The following KCNH7 variants were observed in gnomAD, a reference collection of about 807,000 sequenced individuals.
KCNH7 encodes the protein voltage-gated inwardly rectifying potassium channel KCNH7.
KCNH7 carries 49 observed loss-of-function variants against 120.8 expected under a neutral mutation model. The ratio of observed to expected loss-of-function variants is 0.41; its 90% confidence interval spans 0.32 to 0.51. The LOEUF (loss-of-function observed/expected upper bound fraction) is 0.51. KCNH7 is among the 20% of genes least tolerant of loss of function. The pLI, the probability that KCNH7 is intolerant of heterozygous loss-of-function variation, is 0.38. For missense variants in KCNH7, 1,097 were observed against 1,446.6 expected (o/e 0.76, Z 3.92); for synonymous variants, 547 against 516.1 (o/e 1.06, Z -0.81).
In KCNH7 at chr2:162,517,984, G is replaced by C; in HGVS notation, c.638C>G (p.Ala213Gly). Residue 213 changes from alanine (A) to glycine (G), a missense_variant, in exon 4 of 16, where the codon GCA (alanine) becomes GGA (glycine). Coordinates refer to ENST00000332142, the MANE Select transcript of KCNH7 (RefSeq NM_033272.4). ...CTGTATCAAAGCTTTTGTGTCATCT[G>C]CTTCAGAGGGGCTGCAGCTTTCTTT... The part of the protein sequence containing the change: ...PTKESCSPSE[A>G]DDTKALIQPS... The C allele has an allele frequency of 6.2e-7, 1 of 1,612,458 alleles. No individual in the cohort carries two copies. The highest frequency in any genetic ancestry group is 8.5e-7 in the Non-Finnish European group (1 of 1,178,886).
chr2:162,586,486 CAA>C (rs1375601568), intron 2 of KCNH7, among the ~76,000 whole-genome samples: 1 of 151,990 alleles, frequency 6.6e-6, no homozygotes, highest in Non-Finnish European at 1.5e-5. Flanking sequence ...CTGATGACTG[CAA>C]CCCTGGGAGT....
chr2:162,437,864 A>T (rs1432785596), intron 7 of KCNH7, among the ~76,000 whole-genome samples: 1 of 152,106 alleles, frequency 6.6e-6, no homozygotes, highest in African/African-American at 2.4e-5. Context: ...CTGGCCTTGC[A>T]GCTCGCCTCA....
At chr2:162,402,777 G>GA (rs1044985205) in intron 9 of KCNH7, among the ~76,000 whole-genome samples, 82 of 151,768 alleles carry the variant, frequency 5.4e-4, no homozygotes, top group African/African-American at 1.7e-3. Context: ...ACTTGGTATA[G>GA]AAAAAAATTG....
intron 2 of KCNH7, among the ~76,000 whole-genome samples, chr2:162,670,441 C>A (rs1177575846): frequency 7.3e-6 from 1 of 137,040 alleles, no homozygotes; most frequent in Non-Finnish European, 1.5e-5. Flanking sequence ...CCACTCCACT[C>A]CAGCCTGGGC....
chr2:162,488,309 C>A (rs1375847692), intron 6 of KCNH7, among the ~76,000 whole-genome samples: 1 of 152,126 alleles, frequency 6.6e-6, no homozygotes, highest in Non-Finnish European at 1.5e-5. Context: ...GATTTTTTGT[C>A]CAACAGAACT....
At chr2:162,454,431 C>G (rs1009997091) in intron 6 of KCNH7, among the ~76,000 whole-genome samples, 6 of 152,048 alleles carry the variant, frequency 3.9e-5, no homozygotes, top group African/African-American at 1.4e-4. Context: ...CTTGGCTATA[C>G]CAGCTCTTTT....
intron 2 of KCNH7, among the ~76,000 whole-genome samples, chr2:162,737,520 T>C (rs1293965433): frequency 6.6e-6 from 1 of 152,142 alleles, no homozygotes; most frequent in Non-Finnish European, 1.5e-5. Context: ...TTTAGCTATA[T>C]ATATTGAAAT....
At chr2:162,644,218 A>G (rs1234440789) in intron 2 of KCNH7, among the ~76,000 whole-genome samples, 1 of 152,198 alleles carries the variant, frequency 6.6e-6, no homozygotes, top group East Asian at 1.9e-4. Context: ...TCAACAAATA[A>G]CCTGTTTCTC....
intron 13 of KCNH7, among the ~76,000 whole-genome samples, chr2:162,381,793 A>T (rs1400018292): frequency 6.6e-6 from 1 of 152,076 alleles, no homozygotes; most frequent in Non-Finnish European, 1.5e-5. Flanking sequence ...ATACTGCTGG[A>T]GTTTTAAGTC....
chr2:162,752,884 G>A (rs1688607790), intron 2 of KCNH7, among the ~76,000 whole-genome samples: 3 of 48,680 alleles, frequency 6.2e-5, no homozygotes, highest in Admixed American at 2.7e-4. Flanking sequence ...CTGGGCAAAA[G>A]AGCAAGACTA....
intron 2 of KCNH7, chr2:162,795,820 A>G (rs2105529355): frequency 6.6e-6 from 1 of 152,216 alleles, no homozygotes; most frequent in Admixed American, 6.6e-5. Context: ...TTCAGAGAGG[A>G]AAGCATCCTG....
At chr2:162,703,816 C>T (rs1320053143) in intron 2 of KCNH7, among the ~76,000 whole-genome samples, 2 of 152,114 alleles carry the variant, frequency 1.3e-5, no homozygotes, top group Non-Finnish European at 2.9e-5. Context: ...ATCTGAAATA[C>T]TGACAATACA....
chr2:162,475,258 G>A (rs1689697048), intron 6 of KCNH7, among the ~76,000 whole-genome samples: 1 of 152,178 alleles, frequency 6.6e-6, no homozygotes, highest in South Asian at 2.1e-4. Context: ...ATTTTTCCAG[G>A]AGGACATTAC....
chr2:162,749,517 T>A (rs1363757125), intron 2 of KCNH7, among the ~76,000 whole-genome samples: 1 of 152,156 alleles, frequency 6.6e-6, no homozygotes, highest in Non-Finnish European at 1.5e-5. Flanking sequence ...TATAACATGT[T>A]ATGGAAGTAA....
chr2:162,658,966 T>C (rs1166572669), intron 2 of KCNH7, among the ~76,000 whole-genome samples: 1 of 152,202 alleles, frequency 6.6e-6, no homozygotes, highest in Admixed American at 6.5e-5. Flanking sequence ...TATTTCCTTT[T>C]CTTGTCTTGT....
chr2:162,748,368 A>G (rs1018755109), intron 2 of KCNH7, among the ~76,000 whole-genome samples: 5 of 152,152 alleles, frequency 3.3e-5, no homozygotes, highest in African/African-American at 4.8e-5. Context: ...TAGTTCTTTC[A>G]CTGAGATGAG....
intron 2 of KCNH7, among the ~76,000 whole-genome samples, chr2:162,573,057 C>T (rs13415792): frequency 0.57 from 86,021 of 151,634 alleles, 24,998 homozygotes; most frequent in Admixed American, 0.67. Context: ...TAATAACACA[C>T]TTAAAAAAAA....
At chr2:162,836,463 A>G (rs1685666943) in intron 2 of KCNH7, 74 bp downstream of exon 2, 2 of 1,178,434 alleles carry the variant, frequency 1.7e-6, no homozygotes, top group Non-Finnish European at 2.5e-6. Flanking sequence ...GCTTCTTTGC[A>G]TATGAACTTT....
chr2:162,635,979 A>G (rs1683943419), intron 2 of KCNH7, among the ~76,000 whole-genome samples: 3 of 152,036 alleles, frequency 2.0e-5, no homozygotes, highest in Non-Finnish European at 4.4e-5. Flanking sequence ...TACGAAATAC[A>G]TCAAAAGCTC....
Sources: allele counts gnomAD v4.1 joint callset (sites outside exome capture counted in the v4.1 genomes callset), GRCh38; gene constraint gnomAD v4.1.1; transcripts MANE v1.5; gene names NCBI Gene and HGNC (gene_info 2026-07-23, HGNC 2026-07-21).